Variants in WFDC1 observed in about 807,000 individuals in gnomAD.
WFDC1 encodes WAP four-disulfide core domain 1.
In WFDC1, 39 loss-of-function variants were observed where a neutral mutation model predicts 32.9. The observed-to-expected ratio is 1.19, with a 90% CI of 0.92 to 1.55. The LOEUF is 1.55. Among genes scored for constraint, WFDC1 ranks in the 40% most tolerant of loss-of-function variants. The probability of loss-of-function intolerance (pLI) is 0.00; values close to 1 mark genes in which losing one functional copy is unlikely to be tolerated. For missense variants in WFDC1, 386 were observed against 309.5 expected (o/e 1.25, Z -1.85); for synonymous variants, 184 against 137.4 (o/e 1.34, Z -2.37).
At chr16:84,324,123 GAAA>G (rs60988353) in intron 4 of WFDC1, among the ~76,000 whole-genome samples, 7 of 149,506 alleles carry the variant, frequency 4.7e-5, no homozygotes, top group Admixed American at 4.6e-4. Flanking sequence ...TCGTCTAAAA[GAAA>G]AAAAAAAAAG....
At chr16:84,315,962 C>G (rs553597387) in intron 2 of WFDC1, 1 of 152,342 alleles carries the variant, frequency 6.6e-6, no homozygotes, top group East Asian at 1.9e-4. Flanking sequence ...CTTTAAGGGT[C>G]TTCAACTAGA....
chr16:84,306,741 G>C (rs1907282776), intron 1 of WFDC1, among the ~76,000 whole-genome samples: 1 of 148,942 alleles, frequency 6.7e-6, no homozygotes. Context: ...CAAACTGCCA[G>C]GGTGTGTTGA....
At chr16:84,318,539 G>C (rs188174455) in intron 3 of WFDC1, 184 bp downstream of exon 3, 114 of 604,036 alleles carry the variant, frequency 1.9e-4, no homozygotes, top group Middle Eastern at 9.2e-4. Flanking sequence ...GGCTTGGCCA[G>C]AATCAAAGCC....
chr16:84,318,936 GTGTGTGCA>G (rs1908128857), intron 3 of WFDC1: 1 of 194,054 alleles, frequency 5.2e-6, no homozygotes, highest in East Asian at 1.3e-4. Context: ...GTGTGTGTGT[GTGTGTGCA>G]TGCAAAAGTG....
chr16:84,307,195 C>T (rs897898527), intron 1 of WFDC1, among the ~76,000 whole-genome samples: 6 of 152,122 alleles, frequency 3.9e-5, no homozygotes, highest in African/African-American at 1.2e-4. Context: ...GGCCAAGAAC[C>T]TTGGCTGTTA....
chr16:84,328,318 A>G (rs890607560), intron 6 of WFDC1: 5 of 152,252 alleles, frequency 3.3e-5, no homozygotes, highest in African/African-American at 1.2e-4. Context: ...AGGTGCATGC[A>G]AAGGGCTGTG....
At chr16:84,308,842 G>C in intron 1 of WFDC1, among the ~76,000 whole-genome samples, 1 of 112,910 alleles carries the variant, frequency 8.9e-6, no homozygotes, top group South Asian at 2.4e-4. Flanking sequence ...TGCCAGCCTG[G>C]GTGTAGATGC....
At chr16:84,297,641 A>AAAAC (rs1906684087) in intron 1 of WFDC1, among the ~76,000 whole-genome samples, 3 of 129,340 alleles carry the variant, frequency 2.3e-5, no homozygotes. Context: ...AAAAAAAAAA[A>AAAAC]AAAAAACTGT....
chr16:84,321,210 T>C (rs1226311934), intron 4 of WFDC1, among the ~76,000 whole-genome samples: 1 of 152,224 alleles, frequency 6.6e-6, no homozygotes. Context: ...GTAAAATGGG[T>C]TCATAATACT....
At chr16:84,310,555 ATCTC>A (rs1907551743) in intron 1 of WFDC1, among the ~76,000 whole-genome samples, 1 of 152,070 alleles carries the variant, frequency 6.6e-6, no homozygotes, top group African/African-American at 2.4e-5. Context: ...ATAGAAAGAA[ATCTC>A]TCTCAGCTTT....
chr16:84,309,063 T>A (rs967300579), intron 1 of WFDC1, among the ~76,000 whole-genome samples: 1 of 152,170 alleles, frequency 6.6e-6, no homozygotes, highest in Non-Finnish European at 1.5e-5. Context: ...AGCCGGGATT[T>A]GAACCAAGGC....
Position 84,308,598 on chromosome 16 carries a change from C to T in WFDC1, c.145-4363C>T, listed in dbSNP as rs1211015338. Among the ~76,000 whole-genome samples, 3 of 152,370 alleles carry T rather than the reference C, an allele frequency of 2.0e-5. No individual in the cohort carries two copies. In the South Asian group the frequency reaches 6.2e-4, roughly 32 times the overall value. ...AGGACCAGCACGTGCCAATGATGAT[C>T]GGTGGCACTGTGCTAGATGCCAGCC... is the stretch of plus-strand genomic sequence containing the variant. On this transcript the variant is annotated intron_variant, in intron 1 of 6. Coordinates refer to ENST00000219454, the MANE Select transcript of WFDC1 (RefSeq NM_021197.4).
intron 1 of WFDC1, among the ~76,000 whole-genome samples, chr16:84,298,388 C>T (rs901942618): frequency 4.6e-5 from 7 of 152,284 alleles, no homozygotes; most frequent in African/African-American, 1.7e-4. Context: ...AGCCACCGCA[C>T]CCAGCCAGGA....
intron 1 of WFDC1, among the ~76,000 whole-genome samples, chr16:84,298,990 T>C (rs1402049797): frequency 1.3e-5 from 2 of 152,236 alleles, no homozygotes; most frequent in Admixed American, 6.5e-5. Flanking sequence ...AAAAAGACCA[T>C]AGAGCCCACA....
chr16:84,313,249 G>C, intron 2 of WFDC1, 96 bp downstream of exon 2: 3 of 1,212,190 alleles, frequency 2.5e-6, no homozygotes, highest in Non-Finnish European at 3.2e-6. Context: ...CTTAAAGCTG[G>C]GCCACCTGGG....
intron 1 of WFDC1, among the ~76,000 whole-genome samples, chr16:84,302,507 G>A (rs925548152): frequency 5.3e-5 from 8 of 151,714 alleles, no homozygotes; most frequent in Middle Eastern, 3.4e-3. Context: ...GCAAGTGTCC[G>A]CTCACGGTGC....
chr16:84,297,995 C>T (rs1452778894), intron 1 of WFDC1, among the ~76,000 whole-genome samples: 1 of 152,168 alleles, frequency 6.6e-6, no homozygotes, highest in Non-Finnish European at 1.5e-5. Context: ...GCTATGGGCT[C>T]GTCAGAGTGA....
chr16:84,297,914 C>G (rs764565553), intron 1 of WFDC1, among the ~76,000 whole-genome samples: 62 of 152,218 alleles, frequency 4.1e-4, no homozygotes, highest in Non-Finnish European at 7.2e-4. Flanking sequence ...AAAGTCGAGA[C>G]TTCCCCGTGA....
chr16:84,313,274 C>G (rs923952327), intron 2 of WFDC1, 121 bp downstream of exon 2: 1 of 903,264 alleles, frequency 1.1e-6, no homozygotes, highest in African/African-American at 1.8e-5. Flanking sequence ...TCTCGGGCGC[C>G]TCCACTGCGC....
Sources: allele counts gnomAD v4.1 joint callset (sites outside exome capture counted in the v4.1 genomes callset), GRCh38; gene constraint gnomAD v4.1.1; transcripts MANE v1.5; gene names NCBI Gene and HGNC (gene_info 2026-07-23, HGNC 2026-07-21).